Variants in ZNF609 observed in about 807,000 individuals in gnomAD.
ZNF609 encodes zinc finger protein 609.
Under a neutral mutation model 109.5 loss-of-function variants are expected in ZNF609, and 11 were observed. The ratio of observed to expected loss-of-function variants is 0.10; its 90% confidence interval spans 0.06 to 0.17. The LOEUF is 0.17. Among genes scored for constraint, ZNF609 ranks in the 10% least tolerant of loss-of-function variants. ZNF609 has a pLI of 1.00. For missense variants in ZNF609, 1,559 were observed against 1,772.4 expected, an observed-to-expected ratio of 0.88 and a Z score of 2.16; for synonymous variants, 646 against 662.0, an observed-to-expected ratio of 0.98 and a Z score of 0.37.
At chr15:64,613,889 T>TC (rs972689166) in intron 2 of ZNF609, among the ~76,000 whole-genome samples, 13 of 151,852 alleles carry the variant, frequency 8.6e-5, no homozygotes, top group Admixed American at 8.5e-4. Context: ...AAAATTCCAG[T>TC]CAACAGAAAG....
chr15:64,593,024 G>A lies in ZNF609; in HGVS notation c.748-29803G>A, dbSNP rs548932870. On this transcript the variant is annotated intron_variant, in intron 2 of 9. Transcript: ENST00000326648. ...CAATGGTCGTGCCAAAAAGGGCCGC[G>A]GCCACATGCAGCCTATTCGCTGCAC... 3.0e-4 allele frequency: 476 copies of A among 1,584,680 alleles called. 1 individual carries two copies. The highest frequency in any genetic ancestry group is 8.8e-4 in the South Asian group (80 of 90,818).
intron 2 of ZNF609, among the ~76,000 whole-genome samples, chr15:64,608,483 G>T (rs572533120): frequency 1.3e-5 from 2 of 151,942 alleles, no homozygotes; most frequent in East Asian, 3.9e-4. Context: ...GTGTTTTTCT[G>T]GGTGTGTGTA....
intron 1 of ZNF609, among the ~76,000 whole-genome samples, chr15:64,461,155 G>C (rs1369563143): frequency 6.8e-6 from 1 of 147,534 alleles, no homozygotes; most frequent in Non-Finnish European, 1.5e-5. Flanking sequence ...GAGAGTTTCT[G>C]AGGCGAGTCT....
At chr15:64,644,152 A>AAAC (rs965692360) in intron 3 of ZNF609, among the ~76,000 whole-genome samples, 1 of 152,154 alleles carries the variant, frequency 6.6e-6, no homozygotes, top group Non-Finnish European at 1.5e-5. Context: ...TATTTATTTT[A>AAAC]AACAACAACA....
Position 64,680,203 on chromosome 15 carries a change from G to C in ZNF609, c.3788G>C (p.Ser1263Thr). ...TCCACAGGTTCCTACCTGCCTTCCAGCTACTCTTTTTCCCCATATGGCAGC... is the reference window on the plus strand; with the variant it reads ...TCCACAGGTTCCTACCTGCCTTCCACCTACTCTTTTTCCCCATATGGCAGC... The part of the protein sequence containing the change: ...QNYPGSYLPS[S>T]YSFSPYGSKV... The change falls in exon 7 of 10, where the codon AGC becomes ACC. Residue 1263 changes from serine (S) to threonine (T), a missense_variant. Coordinates refer to ENST00000326648, the MANE Select transcript of ZNF609 (RefSeq NM_015042.2). The C allele has an allele frequency of 6.2e-7, 1 of 1,614,004 alleles. No homozygotes were observed. The highest frequency in any genetic ancestry group is 8.5e-7 in the Non-Finnish European group (1 of 1,180,006).
chr15:64,557,909 C>T (rs896758670), intron 2 of ZNF609, among the ~76,000 whole-genome samples: 2 of 152,104 alleles, frequency 1.3e-5, no homozygotes, highest in Non-Finnish European at 2.9e-5. Flanking sequence ...TGGTCTCGAT[C>T]TCCTGACCTC....
intron 2 of ZNF609, among the ~76,000 whole-genome samples, chr15:64,601,228 C>T (rs1010124438): frequency 3.9e-5 from 6 of 152,124 alleles, no homozygotes; most frequent in African/African-American, 1.2e-4. Flanking sequence ...CAGTGATGGA[C>T]GATGAGGCTG....
At chr15:64,673,846 C>A in intron 4 of ZNF609, 70 bp from the exon 5 acceptor site, 1 of 1,508,630 alleles carries the variant, frequency 6.6e-7, no homozygotes, top group Non-Finnish European at 8.9e-7. Context: ...GTTCTGGAGG[C>A]TACAGCTAAA....
At chr15:64,504,368 T>A (rs1325398806) in intron 2 of ZNF609, among the ~76,000 whole-genome samples, 1 of 152,240 alleles carries the variant, frequency 6.6e-6, no homozygotes, top group Non-Finnish European at 1.5e-5. Context: ...CAAAGCCAGA[T>A]TTGTAGACAC....
intron 6 of ZNF609, among the ~76,000 whole-genome samples, chr15:64,679,445 G>C (rs1896850872): frequency 6.6e-6 from 1 of 152,158 alleles, no homozygotes; most frequent in Non-Finnish European, 1.5e-5. Context: ...AGAACCATGT[G>C]GGGTGCTTCT....
intron 2 of ZNF609, chr15:64,528,643 C>T (rs1894008101): frequency 6.3e-6 from 6 of 947,464 alleles, no homozygotes; most frequent in Admixed American, 3.8e-5. Flanking sequence ...CTCATGCTGT[C>T]GCTGGGCTGG....
At chr15:64,679,626 T>C (rs1434709222) in intron 6 of ZNF609, among the ~76,000 whole-genome samples, 2 of 152,236 alleles carry the variant, frequency 1.3e-5, no homozygotes, top group Non-Finnish European at 2.9e-5. Context: ...CCTTTATCCC[T>C]GTCACTCACA....
At chr15:64,471,943 C>T (rs1893097617) in intron 1 of ZNF609, among the ~76,000 whole-genome samples, 1 of 151,350 alleles carries the variant, frequency 6.6e-6, no homozygotes, top group Non-Finnish European at 1.5e-5. Flanking sequence ...TGGAGTCTTG[C>T]TCTGTCACCC....
intron 1 of ZNF609, among the ~76,000 whole-genome samples, chr15:64,497,464 T>C (rs1893497190): frequency 6.6e-6 from 1 of 152,160 alleles, no homozygotes; most frequent in Non-Finnish European, 1.5e-5. Flanking sequence ...TTGACATTGC[T>C]CTGAGGGAAT....
At chr15:64,623,191 A>C (rs1225436209) in intron 3 of ZNF609, 139 bp downstream of exon 3, 1 of 867,446 alleles carries the variant, frequency 1.2e-6, no homozygotes, top group Non-Finnish European at 1.8e-6. Flanking sequence ...ACCCACACAG[A>C]GGATTTTAGC....
At chr15:64,589,185 G>T (rs1353188540) in intron 2 of ZNF609, among the ~76,000 whole-genome samples, 1 of 152,154 alleles carries the variant, frequency 6.6e-6, no homozygotes, top group Non-Finnish European at 1.5e-5. Context: ...AATAAGGGTG[G>T]TCTTGAGAAG....
At chr15:64,463,009 T>G (rs1193801909) in intron 1 of ZNF609, among the ~76,000 whole-genome samples, 1 of 152,180 alleles carries the variant, frequency 6.6e-6, no homozygotes, top group African/African-American at 2.4e-5. Flanking sequence ...ATCCCAGCAC[T>G]TTGGGAGGCT....
At chr15:64,569,598 A>G (rs1485112163) in intron 2 of ZNF609, among the ~76,000 whole-genome samples, 1 of 152,252 alleles carries the variant, frequency 6.6e-6, no homozygotes, top group African/African-American at 2.4e-5. Flanking sequence ...AAGTGTGCCA[A>G]TTCAGTAGCC....
intron 3 of ZNF609, among the ~76,000 whole-genome samples, chr15:64,659,814 G>A (rs577767779): frequency 3.3e-5 from 5 of 150,910 alleles, no homozygotes; most frequent in South Asian, 4.2e-4. Flanking sequence ...TTTTTGGAAC[G>A]CAAAATATTT....
Sources: gnomAD v4.1 joint callset for allele counts (sites outside exome capture counted in the v4.1 genomes callset) on GRCh38, gnomAD v4.1.1 for gene constraint, MANE v1.5 for transcripts, NCBI Gene and HGNC (gene_info 2026-07-23, HGNC 2026-07-21) for gene names.